Variants in TCEANC observed in about 807,000 individuals in gnomAD.
The protein encoded by TCEANC is transcription elongation factor A N-terminal and central domain-containing protein.
In TCEANC, 8 loss-of-function variants were observed where a neutral mutation model predicts 8.7. The observed-to-expected ratio is 0.92, with a 90% CI of 0.54 to 1.65. TCEANC has a LOEUF of 1.65. Among genes scored for constraint, TCEANC ranks in the 40% most tolerant of loss-of-function variants. The pLI, the probability that TCEANC is intolerant of heterozygous loss-of-function variation, is 0.00. For synonymous variants in TCEANC, 78 were observed against 92.9 expected (o/e 0.84, Z 0.92); for missense variants, 255 against 251.9 (o/e 1.01, Z -0.08).
chrX:13,663,947 G>C (rs5935651), exon 2 of TCEANC: 1 of 140,226 alleles, frequency 7.1e-6, no homozygotes, highest in Non-Finnish European at 1.6e-5. Flanking sequence ...TTAGCAATAG[G>C]CCTGTGGCTC....
At chrX:13,663,519 C>G (rs5935649) in exon 2 of TCEANC, 1 of 1,166,885 alleles carries the variant, frequency 8.6e-7, no homozygotes, top group African/African-American at 1.8e-5. Flanking sequence ...TAATTTGTAA[C>G]GAATGTGGGG....
upstream of TCEANC, among the ~76,000 whole-genome samples, chrX:13,654,663 G>A (rs1050170350): frequency 6.3e-5 from 7 of 111,540 alleles, no homozygotes; most frequent in African/African-American, 2.3e-4. Flanking sequence ...TAGGATGTTG[G>A]ATTTCTCCCA....
chrX:13,656,152 AT>A (rs1364028306), intron 1 of TCEANC, among the ~76,000 whole-genome samples: 1 of 112,107 alleles, frequency 8.9e-6, no homozygotes, highest in Non-Finnish European at 1.9e-5. Flanking sequence ...GTTTGGTGCC[AT>A]CCTGCGTGTG....
chrX:13,658,505 T>A lies in TCEANC; in HGVS notation c.-9+3132T>A, dbSNP rs776879527. 2.7e-5 allele frequency among the ~76,000 whole-genome samples: 3 copies of A among 112,178 alleles called. No individual in the cohort carries two copies. The East Asian group carries it at 8.3e-4, about 31-fold the overall frequency. ...TTTTCTGTATTTTCTGTGATGAGCA[T>A]GCATTGTTTTCATAATCAGAAAAGT... On this transcript the variant is annotated intron_variant, in intron 1 of 1. Coordinates refer to ENST00000380600, the Ensembl canonical transcript of TCEANC.
chrX:13,656,291 A>G (rs936553281), intron 1 of TCEANC, among the ~76,000 whole-genome samples: 3 of 112,604 alleles, frequency 2.7e-5, no homozygotes, highest in Non-Finnish European at 3.7e-5. Context: ...CTTTAGGCTC[A>G]GCATCTAGCA....
intron 1 of TCEANC, among the ~76,000 whole-genome samples, chrX:13,660,446 C>T (rs1479542552): frequency 8.9e-6 from 1 of 112,065 alleles, no homozygotes; most frequent in African/African-American, 3.2e-5. Flanking sequence ...CCTCCTCCTT[C>T]ACCCCACTGC....
upstream of TCEANC, among the ~76,000 whole-genome samples, chrX:13,654,922 A>T (rs1025400747): frequency 9.0e-6 from 1 of 110,877 alleles, no homozygotes; most frequent in African/African-American, 3.3e-5. Flanking sequence ...TAGAATCGAG[A>T]TGGGCTTGGT....
chrX:13,657,328 G>A (rs1033659304), intron 1 of TCEANC, among the ~76,000 whole-genome samples: 2 of 111,765 alleles, frequency 1.8e-5, no homozygotes, highest in African/African-American at 3.3e-5. Flanking sequence ...AAAAACTATC[G>A]CAAACTCCTA....
At chrX:13,662,617 T>G in exon 2 of TCEANC, 1 of 1,211,644 alleles carries the variant, frequency 8.3e-7, no homozygotes, top group Non-Finnish European at 1.1e-6. Context: ...AGAAACAATT[T>G]ATGTGACTAA....
upstream of TCEANC, among the ~76,000 whole-genome samples, chrX:13,654,293 A>G (rs1245908269): frequency 2.7e-5 from 3 of 112,823 alleles, no homozygotes; most frequent in East Asian, 8.2e-4. Flanking sequence ...CTGCTCTAGA[A>G]AAGGGTCAAC....
upstream of TCEANC, chrX:13,655,251 A>AAAATTTT (rs2045916623): frequency 3.6e-5 from 4 of 112,074 alleles, no homozygotes; most frequent in Non-Finnish European, 7.5e-5. Flanking sequence ...AGGTTTCCTC[A>AAAATTTT]CCTGTAAGAT....
exon 2 of TCEANC, chrX:13,664,745 G>C (rs998781547): frequency 4.1e-5 from 5 of 123,087 alleles, no homozygotes; most frequent in African/African-American, 1.6e-4. Flanking sequence ...ATGAATTGAA[G>C]ATAAAATTAC....
At chrX:13,661,982 A>G (rs1159686221) in intron 1 of TCEANC, among the ~76,000 whole-genome samples, 4 of 111,906 alleles carry the variant, frequency 3.6e-5, no homozygotes. Context: ...AGACATTAGC[A>G]AACCCTTTCT....
upstream of TCEANC, among the ~76,000 whole-genome samples, chrX:13,655,131 A>G (rs1468624247): frequency 8.9e-6 from 1 of 112,170 alleles, no homozygotes; most frequent in Non-Finnish European, 1.9e-5. Context: ...GTATAGGTGA[A>G]TAAAACATGT....
chrX:13,653,693 C>G (rs182280425), upstream of TCEANC, among the ~76,000 whole-genome samples: 1 of 111,549 alleles, frequency 9.0e-6, no homozygotes, highest in African/African-American at 3.3e-5. Flanking sequence ...TACAGTTTCT[C>G]TTTAGGCTTT....
chrX:13,658,794 C>G (rs1158843277), intron 1 of TCEANC, among the ~76,000 whole-genome samples: 1 of 111,332 alleles, frequency 9.0e-6, no homozygotes, highest in Non-Finnish European at 1.9e-5. Context: ...CTTACATAAC[C>G]AAGAGTCTGA....
At chrX:13,661,384 T>G (rs2045965459) in intron 1 of TCEANC, among the ~76,000 whole-genome samples, 1 of 112,361 alleles carries the variant, frequency 8.9e-6, no homozygotes, top group Non-Finnish European at 1.9e-5. Context: ...TCTCATTTCC[T>G]TAAAGTAAAT....
chrX:13,661,913 A>G (rs2045969217), intron 1 of TCEANC, among the ~76,000 whole-genome samples: 1 of 112,288 alleles, frequency 8.9e-6, no homozygotes, highest in African/African-American at 3.2e-5. Flanking sequence ...TGGGACCCGC[A>G]GACGTATCTC....
intron 1 of TCEANC, among the ~76,000 whole-genome samples, chrX:13,659,163 A>G (rs777452542): frequency 8.9e-6 from 1 of 112,556 alleles, no homozygotes; most frequent in African/African-American, 3.2e-5. Context: ...TAAAGTTTCA[A>G]GTTATTCAAT....
Sources: allele counts gnomAD v4.1 joint callset (sites outside exome capture counted in the v4.1 genomes callset), GRCh38; gene constraint gnomAD v4.1.1; transcripts MANE v1.5; gene names NCBI Gene and HGNC (gene_info 2026-07-23, HGNC 2026-07-21).